Variants in NCAM1 observed in about 807,000 individuals in gnomAD.
The protein encoded by NCAM1 is antigen recognized by monoclonal antibody 5.1H11.
In NCAM1, 14 loss-of-function variants were observed where a neutral mutation model predicts 109.8. That is an observed-to-expected ratio of 0.13 (90% CI 0.08 to 0.20). NCAM1 has a LOEUF of 0.20. Ranked by LOEUF, NCAM1 falls within the 10% of genes least tolerant of loss-of-function variation. NCAM1 has a pLI of 1.00. For synonymous variants in NCAM1, 418 were observed against 442.9 expected (o/e 0.94, Z 0.70); for missense variants, 774 against 1,109.9 (o/e 0.70, Z 4.30).
chr11:112,964,848 G>GT (rs1950688988), intron 1 of NCAM1, among the ~76,000 whole-genome samples: 1 of 152,168 alleles, frequency 6.6e-6, no homozygotes. Context: ...ATCCAACAGA[G>GT]TTATTAAAAA....
chr11:113,155,328 G>A (rs1461667513), intron 1 of NCAM1, among the ~76,000 whole-genome samples: 1 of 152,038 alleles, frequency 6.6e-6, no homozygotes, highest in East Asian at 1.9e-4. Flanking sequence ...GACCAACATA[G>A]TGAAACCCCG....
chr11:113,211,225 G>A (rs1944383688), intron 7 of NCAM1, among the ~76,000 whole-genome samples: 1 of 152,162 alleles, frequency 6.6e-6, no homozygotes, highest in Admixed American at 6.5e-5. Context: ...CCCATCACTG[G>A]GGGAGAAATG....
In NCAM1 at chr11:112,962,894, G is replaced by A. The variant is rs1365970633; in HGVS notation, c.52+1230G>A. On this transcript the variant is annotated intron_variant, in intron 1 of 19. Transcript: ENST00000316851. The surrounding 1 kb of genome is among the most constrained non-coding windows in gnomAD (Gnocchi z 5.6). ...GGGGGGCGTGTGCTGGGAAGCGATCGAGGAAAGCCGGGCGGAGGGGCTGTG... is the reference window on the plus strand; with the variant it reads ...GGGGGGCGTGTGCTGGGAAGCGATCAAGGAAAGCCGGGCGGAGGGGCTGTG... 2.6e-5 allele frequency among the ~76,000 whole-genome samples: 4 copies of A among 151,700 alleles called. No homozygotes were observed. Among genetic ancestry groups the A allele is most frequent in the African/African-American group, 9.7e-5 (4 of 41,312 alleles).
At chr11:113,220,871 A>G (rs782790733) in intron 8 of NCAM1, among the ~76,000 whole-genome samples, 2 of 152,000 alleles carry the variant, frequency 1.3e-5, no homozygotes, top group African/African-American at 4.8e-5. Context: ...GGCCTCCCAA[A>G]GTGCTGGGAT....
chr11:113,253,807 A>T (rs369302516), intron 15 of NCAM1, among the ~76,000 whole-genome samples: 5 of 152,322 alleles, frequency 3.3e-5, no homozygotes, highest in Middle Eastern at 3.4e-3. Context: ...CAGTGTCATG[A>T]TTCTAAGTGA....
intron 1 of NCAM1, among the ~76,000 whole-genome samples, chr11:113,188,249 T>A (rs2136678438): frequency 6.6e-6 from 1 of 152,292 alleles, no homozygotes; most frequent in African/African-American, 2.4e-5. Context: ...GCCCATTTTA[T>A]CACCATCGTC....
intron 1 of NCAM1, among the ~76,000 whole-genome samples, chr11:113,093,627 C>CT (rs1231582328): frequency 6.6e-6 from 1 of 152,156 alleles, no homozygotes; most frequent in Non-Finnish European, 1.5e-5. Context: ...CGCCCCATCT[C>CT]TTTTCTCTAG....
chr11:113,182,107 G>C (rs1251410536), intron 1 of NCAM1, among the ~76,000 whole-genome samples: 1 of 152,108 alleles, frequency 6.6e-6, no homozygotes, highest in Non-Finnish European at 1.5e-5. Context: ...TGTCCTCAGA[G>C]GTATTCATAT....
intron 1 of NCAM1, among the ~76,000 whole-genome samples, chr11:112,967,761 A>G (rs1269712753): frequency 6.6e-6 from 1 of 152,202 alleles, no homozygotes; most frequent in Non-Finnish European, 1.5e-5. Flanking sequence ...GGCTTAAAAA[A>G]TTGGTCACTA....
At chr11:113,014,965 C>T (rs1952170362) in intron 1 of NCAM1, among the ~76,000 whole-genome samples, 1 of 152,230 alleles carries the variant, frequency 6.6e-6, no homozygotes, top group Non-Finnish European at 1.5e-5. Flanking sequence ...GGCCCAGCCA[C>T]CGTCTGCTTG....
At chr11:113,263,117 G>A (rs1555123720) in intron 17 of NCAM1, 3 of 1,300,620 alleles carry the variant, frequency 2.3e-6, no homozygotes, top group Non-Finnish European at 2.9e-6. Flanking sequence ...ATACTTTTGT[G>A]CCACTTCATA....
chr11:113,143,927 T>G (rs1271643461), intron 1 of NCAM1, among the ~76,000 whole-genome samples: 1 of 152,116 alleles, frequency 6.6e-6, no homozygotes, highest in Non-Finnish European at 1.5e-5. Context: ...CATAAACAAG[T>G]AGAGATCCAT....
intron 1 of NCAM1, among the ~76,000 whole-genome samples, chr11:113,193,698 A>G (rs561238558): frequency 6.6e-6 from 1 of 152,176 alleles, no homozygotes; most frequent in Non-Finnish European, 1.5e-5. Context: ...AGAGAGAAAG[A>G]GAAAGGGAAA....
intron 1 of NCAM1, among the ~76,000 whole-genome samples, chr11:113,186,499 T>C (rs1383560750): frequency 6.6e-6 from 1 of 152,186 alleles, no homozygotes; most frequent in Non-Finnish European, 1.5e-5. Context: ...AGTAAGAGGT[T>C]TGATTAAGGC....
rs1555117617 is a variant in NCAM1, at chr11:113,233,127, C to T, written c.1523-20C>T. On this transcript the variant is annotated intron_variant, in intron 12 of 19. Transcript: ENST00000316851. This position sits in a 1 kb window ranked among gnomAD's most constrained non-coding sequence, Gnocchi z 4.5. ...GCCAAACTGGGCTCACCTGAGTCTC[C>T]ATATGTGTCTTCCCCACAGACACCC... The T allele has an allele frequency of 2.5e-6, 4 of 1,608,598 alleles. No individual in the cohort carries two copies. Among genetic ancestry groups the T allele is most frequent in the Admixed American group, 1.7e-5 (1 of 59,754 alleles).
chr11:113,228,993 T>C (rs1944926421), intron 9 of NCAM1, among the ~76,000 whole-genome samples: 3 of 152,158 alleles, frequency 2.0e-5, no homozygotes, highest in Admixed American at 1.3e-4. Context: ...GAAGAAAACC[T>C]AGGCAATACC....
intron 1 of NCAM1, among the ~76,000 whole-genome samples, chr11:113,123,868 G>A (rs1941071792): frequency 6.6e-6 from 1 of 152,148 alleles, no homozygotes; most frequent in Non-Finnish European, 1.5e-5. Context: ...ACCCACTGGT[G>A]CTTGGGAAGC....
At chr11:113,017,928 C>G (rs1952258895) in intron 1 of NCAM1, among the ~76,000 whole-genome samples, 1 of 152,112 alleles carries the variant, frequency 6.6e-6, no homozygotes, top group Non-Finnish European at 1.5e-5. Flanking sequence ...TTGATTCCTT[C>G]CAACAAACAA....
Position 113,096,914 on chromosome 11 carries a change from TC to T in NCAM1, c.53-105464del, listed in dbSNP as rs1405930643. On this transcript the variant is annotated intron_variant, in intron 1 of 19. Transcript: ENST00000316851. ...CTACCTGGAGTGTCTTCCAGCTGTCTCTCCCCTGACAAGTTTGTTACACAGC... is the reference window on the plus strand; with the variant it reads ...CTACCTGGAGTGTCTTCCAGCTGTCTTCCCCTGACAAGTTTGTTACACAGC... Among the ~76,000 whole-genome samples the T allele has an allele frequency of 3.9e-5, 6 of 152,226 alleles. No homozygotes were observed. In the East Asian group the frequency reaches 1.2e-3, roughly 29 times the overall value.
Sources: allele counts gnomAD v4.1 joint callset (sites outside exome capture counted in the v4.1 genomes callset), GRCh38; gene constraint gnomAD v4.1.1; non-coding constraint Gnocchi (gnomAD v3.1); transcripts MANE v1.5; gene names NCBI Gene and HGNC (gene_info 2026-07-23, HGNC 2026-07-21).